Variants in USH2A observed in about 807,000 individuals in gnomAD.
USH2A encodes the protein Usher syndrome 2A (autosomal recessive, mild).
In USH2A, 443 loss-of-function variants were observed where a neutral mutation model predicts 538.9. The ratio of observed to expected loss-of-function variants is 0.82; its 90% CI spans 0.76 to 0.89. USH2A has a LOEUF of 0.89. Among genes scored for constraint, USH2A ranks in the 40% least tolerant of loss-of-function variants. The probability of loss-of-function intolerance (pLI) is 0.00; values close to 1 mark genes in which losing one functional copy is unlikely to be tolerated. For synonymous variants in USH2A, 2,413 were observed against 2,273.5 expected (o/e 1.06, Z -1.75); for missense variants, 6,633 against 6,324.8 (o/e 1.05, Z -1.65).
At chr1:215,825,968 C>T (rs887878452) in intron 47 of USH2A, among the ~76,000 whole-genome samples, 3 of 152,286 alleles carry the variant, frequency 2.0e-5, no homozygotes, top group Non-Finnish European at 1.5e-5. Flanking sequence ...GATCTTGGGA[C>T]AGCTTGACAG....
intron 32 of USH2A, among the ~76,000 whole-genome samples, chr1:216,026,424 C>A (rs1286403519): frequency 6.6e-6 from 1 of 151,940 alleles, no homozygotes; most frequent in Non-Finnish European, 1.5e-5. Context: ...AGTCATGTGG[C>A]CAAACAATAC....
chr1:215,743,106 C>CT, intron 59 of USH2A, 71 bp downstream of exon 59: 3 of 1,556,576 alleles, frequency 1.9e-6, no homozygotes, highest in Non-Finnish European at 2.6e-6. Context: ...GAATGTATTC[C>CT]TTTTTAATGA....
intron 47 of USH2A, among the ~76,000 whole-genome samples, chr1:215,818,283 T>A (rs1008400853): frequency 6.6e-6 from 1 of 151,788 alleles, no homozygotes; most frequent in African/African-American, 2.4e-5. Context: ...TTTACTTAAG[T>A]CTCTTTTGTC....
chr1:216,304,410 G>A (rs1027696214), intron 9 of USH2A, among the ~76,000 whole-genome samples: 2 of 151,736 alleles, frequency 1.3e-5, no homozygotes, highest in African/African-American at 2.4e-5. Context: ...CTAGCACTGC[G>A]GCCGTAACTT....
intron 30 of USH2A, among the ~76,000 whole-genome samples, chr1:216,050,247 A>G (rs1231166189): frequency 6.6e-6 from 1 of 152,142 alleles, no homozygotes; most frequent in Non-Finnish European, 1.5e-5. Flanking sequence ...TCCAAATGCC[A>G]AATCTGCTGC....
intron 13 of USH2A, among the ~76,000 whole-genome samples, chr1:216,232,482 T>C (rs2035719143): frequency 6.6e-6 from 1 of 152,210 alleles, no homozygotes; most frequent in South Asian, 2.1e-4. Flanking sequence ...CTGAGGTACC[T>C]TTGGTAGGGC....
At chr1:215,637,173 G>A (rs529400622) in intron 69 of USH2A, among the ~76,000 whole-genome samples, 11 of 152,118 alleles carry the variant, frequency 7.2e-5, no homozygotes, top group Non-Finnish European at 1.6e-4. Flanking sequence ...CTGCCTCCAG[G>A]AACAACACAC....
intron 32 of USH2A, among the ~76,000 whole-genome samples, chr1:216,033,716 C>A (rs1358121910): frequency 6.6e-6 from 1 of 151,988 alleles, no homozygotes; most frequent in East Asian, 1.9e-4. Flanking sequence ...GTGGCATGCA[C>A]CTGTGGCCCC....
intron 21 of USH2A, among the ~76,000 whole-genome samples, chr1:216,136,214 G>A (rs1014390427): frequency 1.3e-5 from 2 of 152,068 alleles, no homozygotes; most frequent in Non-Finnish European, 2.9e-5. Context: ...CAAGCATTCT[G>A]AGGGAAATTT....
At position 215,639,372 on chromosome 1, in the gene USH2A, T is replaced by C. The variant is rs1377013598; in HGVS notation, c.14969-134A>G. 7.4e-6 allele frequency: 6 copies of C among 814,272 alleles called. No individual in the cohort carries two copies. In the Admixed American group the frequency reaches 1.4e-4, roughly 19 times the overall value. The allele number at this position is 814,272 out of a possible 1,614,324, so 50.4% of individuals were successfully genotyped here. ...GCAAGTTATGACGTTTTATATAATA[T>C]TCAAAATTACTTCTAATTTTAAAAT... On this transcript the variant is annotated intron_variant, in intron 68 of 71. Coordinates refer to ENST00000307340, the MANE Select transcript of USH2A (RefSeq NM_206933.4).
intron 3 of USH2A, among the ~76,000 whole-genome samples, chr1:216,386,500 C>G (rs1346644005): frequency 1.3e-5 from 1 of 75,080 alleles, no homozygotes; most frequent in African/African-American, 4.0e-5. Flanking sequence ...AACAAACAAA[C>G]AAACAAACAA....
intron 38 of USH2A, among the ~76,000 whole-genome samples, chr1:215,917,712 G>T (rs916644965): frequency 1.1e-4 from 16 of 145,554 alleles, no homozygotes; most frequent in Admixed American, 7.8e-4. Flanking sequence ...GGGAGGCTGA[G>T]ATGGGCAGAT....
intron 3 of USH2A, among the ~76,000 whole-genome samples, chr1:216,388,812 C>T (rs2039050688): frequency 1.3e-5 from 2 of 152,206 alleles, no homozygotes; most frequent in African/African-American, 4.8e-5. Flanking sequence ...CAAGGAAGCT[C>T]CTGCTGCTTT....
chr1:215,973,763 G>C lies in USH2A; in HGVS notation c.6806-2987C>G, dbSNP rs537937736. Reference sequence around the variant, plus strand: ...ATCTGGAACTATGGATATAGGAAGAGCAGACAGTTATTGAAAGAAGGGCTT... The same window carrying C: ...ATCTGGAACTATGGATATAGGAAGACCAGACAGTTATTGAAAGAAGGGCTT... On this transcript the variant is annotated intron_variant, in intron 35 of 71. Coordinates refer to ENST00000307340, the MANE Select transcript of USH2A (RefSeq NM_206933.4). Among the ~76,000 whole-genome samples, 5 of 151,444 alleles carry C rather than the reference G, an allele frequency of 3.3e-5. 1 individual carries two copies. The South Asian group carries it at 1.0e-3, about 32-fold the overall frequency.
At chr1:215,803,126 T>G (rs887280362) in intron 49 of USH2A, among the ~76,000 whole-genome samples, 1 of 152,072 alleles carries the variant, frequency 6.6e-6, no homozygotes, top group South Asian at 2.1e-4. Context: ...ATTGATGGGA[T>G]GTATCTCAAA....
chr1:216,379,458 A>C (rs943799675), intron 3 of USH2A, among the ~76,000 whole-genome samples: 2 of 152,192 alleles, frequency 1.3e-5, no homozygotes, highest in Non-Finnish European at 2.9e-5. Flanking sequence ...TCCAGCAAAA[A>C]AAAAAAGCAG....
intron 32 of USH2A, among the ~76,000 whole-genome samples, chr1:216,008,974 C>A (rs1174321920): frequency 1.3e-5 from 2 of 152,026 alleles, no homozygotes; most frequent in African/African-American, 2.4e-5. Flanking sequence ...AACCCCCAAC[C>A]TCTTCTCCTT....
rs1419041072 is a variant in USH2A at position 216,422,341 on chromosome 1, A to C, written c.-5T>G. 1 of 1,613,720 alleles carries C rather than the reference A, an allele frequency of 6.2e-7. No individual in the cohort carries two copies. The highest frequency in any genetic ancestry group is 2.2e-5 in the East Asian group (1 of 44,840). Reference sequence around the variant, plus strand: ...TGAAAGAACTGGGCAATTCATGTTTACAAAAAAGCATTCTCCTCCTGATAA... The same window carrying C: ...TGAAAGAACTGGGCAATTCATGTTTCCAAAAAAGCATTCTCCTCCTGATAA... On this transcript the variant is annotated 5_prime_UTR_variant, in exon 2 of 72. The change abolishes the stop of an existing upstream ORF in the 5' untranslated region. Transcript: ENST00000307340.
intron 70 of USH2A, chr1:215,630,368 G>A (rs1002821307): frequency 7.0e-6 from 3 of 428,498 alleles, no homozygotes; most frequent in Middle Eastern, 3.6e-4. Context: ...CTGCTCTGAT[G>A]TACATATATA....
Sources: allele counts gnomAD v4.1 joint callset (sites outside exome capture counted in the v4.1 genomes callset), GRCh38; gene constraint gnomAD v4.1.1; transcripts MANE v1.5; gene names NCBI Gene and HGNC (gene_info 2026-07-23, HGNC 2026-07-21).